EFTUD2: variants seen among roughly 807,000 people sequenced by gnomAD.
The protein encoded by EFTUD2 is elongation factor Tu GTP binding domain containing 2.
Under a neutral mutation model 114.3 loss-of-function variants are expected in EFTUD2, and 9 were observed. The ratio of observed to expected loss-of-function variants is 0.08; its 90% confidence interval spans 0.05 to 0.14. EFTUD2 has a LOEUF of 0.14. EFTUD2 is among the 10% of genes least tolerant of loss of function. The probability of loss-of-function intolerance (pLI) is 1.00; values close to 1 mark genes in which losing one functional copy is unlikely to be tolerated. For synonymous variants in EFTUD2, 449 were observed against 462.3 expected (o/e 0.97, Z 0.37); for missense variants, 765 against 1,241.2 (o/e 0.62, Z 5.76).
chr17:44,856,998 G>C (rs953652456), intron 20 of EFTUD2, 77 bp downstream of exon 20: 24 of 1,215,474 alleles, frequency 2.0e-5, no homozygotes, highest in African/African-American at 1.5e-5. Context: ...TGCTCATGGT[G>C]GGGGTAGAGG....
rs765219533 is a variant in EFTUD2, at chr17:44,878,267, C to T, written c.702+1289G>A. On this transcript the variant is annotated intron_variant, in intron 9 of 27. Coordinates refer to ENST00000426333, the MANE Select transcript of EFTUD2 (RefSeq NM_004247.4). ...AAAGTTTGATAAGGAGAAGAATAAC[C>T]AGATTCTAATAACCAGAGCTTAATC... 7.2e-5 allele frequency among the ~76,000 whole-genome samples: 11 copies of T among 152,250 alleles called. 1 individual carries two copies. Among genetic ancestry groups the T allele is most frequent in the Admixed American group, 6.5e-4 (10 of 15,294 alleles).
rs75810445 is a variant in EFTUD2, at chr17:44,863,410, C to T, written c.1413+245G>A. The T allele has an allele frequency of 0.06, 24,597 of 411,236 alleles. 887 individuals are homozygous for T. The highest frequency in any genetic ancestry group is 0.077 in the Non-Finnish European group (17,670 of 228,960). 25.5% of individuals were successfully genotyped at this position (411,236 alleles called of 1,614,324 possible). On this transcript the variant is annotated intron_variant, in intron 15 of 27. Transcript: ENST00000426333. ...AATCTTATTTAAATCTCATAACAAC[C>T]GCTCACATTTTATTATGCTCGTGTT...
At chr17:44,866,706 G>A (rs1371660743) in intron 13 of EFTUD2, among the ~76,000 whole-genome samples, 2 of 152,096 alleles carry the variant, frequency 1.3e-5, no homozygotes, top group East Asian at 1.9e-4. Flanking sequence ...GTTGCAAAGC[G>A]GTTCATTTTA....
At chr17:44,896,372 G>A (rs1167937376) in intron 1 of EFTUD2, among the ~76,000 whole-genome samples, 1 of 152,212 alleles carries the variant, frequency 6.6e-6, no homozygotes, top group Non-Finnish European at 1.5e-5. Flanking sequence ...AACTGGCTGG[G>A]CACAGTGGCT....
In EFTUD2 at chr17:44,862,599, C is replaced by T. The variant is rs76597601; in HGVS notation, c.1607+114G>A. 2,043 of 1,007,318 alleles carry T rather than the reference C, an allele frequency of 2.0e-3. 26 individuals are homozygous for T. The African/African-American group carries it at 0.03, about 15-fold the overall frequency. 62.4% of individuals were successfully genotyped at this position (1,007,318 alleles called of 1,614,324 possible). A position where few individuals can be genotyped will look rare whatever the true frequency, so the allele number is the denominator to read the frequency against. On this transcript the variant is annotated intron_variant, in intron 16 of 27. Transcript: ENST00000426333. ...CTGCGGAGGGAGAGCCACTTTATCCCCTCTTGCACAGAGCCTTGCAACTAC... is the reference window on the plus strand; with the variant it reads ...CTGCGGAGGGAGAGCCACTTTATCCTCTCTTGCACAGAGCCTTGCAACTAC...
intron 19 of EFTUD2, 184 bp from the exon 20 acceptor site, chr17:44,857,341 C>T: frequency 1.9e-6 from 1 of 528,746 alleles, no homozygotes; most frequent in Non-Finnish European, 3.4e-6. Context: ...ACCAAAAAGC[C>T]CAAGAAAACT....
intron 15 of EFTUD2, 89 bp from the exon 16 acceptor site, chr17:44,862,995 G>A (rs1348682881): frequency 1.8e-6 from 2 of 1,093,358 alleles, no homozygotes; most frequent in African/African-American, 1.6e-5. Flanking sequence ...GCAAGGACAT[G>A]AGCTCTATGA....
At position 44,872,569 on chromosome 17, in the gene EFTUD2, T is replaced by C; in HGVS notation, c.871A>G (p.Met291Val). ...IVDEVNGLIS[M>V]YSTDENLILS... ...ATCAGGTTCTCATCAGTGGAATACA[T>C]GCTGAAACAGAGACAGTGGTGAACA... The change falls in exon 11 of 28, where the codon ATG (methionine) becomes GTG (valine). Residue 291 changes from methionine (M) to valine (V), a missense_variant and splice_region_variant. This residue lies in a region of EFTUD2 where 251 missense variants were observed against 357.7 expected (regional missense o/e 0.70). Transcript: ENST00000426333. 2.5e-6 allele frequency: 4 copies of C among 1,607,764 alleles called. No homozygotes were observed. Among genetic ancestry groups the C allele is most frequent in the Non-Finnish European group, 3.4e-6 (4 of 1,176,462 alleles).
rs764477609 is a variant in EFTUD2, at chr17:44,864,898, A to G, written c.1285+32T>C. On this transcript the variant is annotated intron_variant, in intron 14 of 27. Transcript: ENST00000426333. The stretch of plus-strand genomic sequence containing the variant: ...ATACCTGTGGCAGGGCACGAGGATG[A>G]CAGAGTTAAGGGGCCACGAGCACAT... The G allele has an allele frequency of 7.5e-6, 12 of 1,605,192 alleles. No homozygotes were observed. The Admixed American group carries it at 2.0e-4, about 27-fold the overall frequency.
chr17:44,884,401 C>G (rs2051127324), intron 4 of EFTUD2: 1 of 152,166 alleles, frequency 6.6e-6, no homozygotes, highest in South Asian at 2.1e-4. Flanking sequence ...CGCCTGTAAT[C>G]CCAGCTACTC....
chr17:44,877,886 C>T lies in EFTUD2; in HGVS notation c.702+1670G>A, dbSNP rs530784314. On this transcript the variant is annotated intron_variant, in intron 9 of 27. Coordinates refer to ENST00000426333, the MANE Select transcript of EFTUD2 (RefSeq NM_004247.4). ...GTGGCTCACGCCTGTAATCTCCACA[C>T]TTTGGGAGGCCTAGGTGGGCAGATC... 2.2e-3 allele frequency among the ~76,000 whole-genome samples: 328 copies of T among 151,808 alleles called. 1 individual carries two copies. The highest frequency in any genetic ancestry group is 3.7e-3 in the Non-Finnish European group (250 of 67,968).
intron 18 of EFTUD2, 131 bp downstream of exon 18, chr17:44,859,774 G>T (rs1182942850): frequency 7.0e-7 from 1 of 1,437,366 alleles, no homozygotes; most frequent in Non-Finnish European, 9.5e-7. Context: ...GCCATAGGCT[G>T]GGCTTGCTCC....
At chr17:44,863,814 A>G (rs910982450) in intron 14 of EFTUD2, 32 bp from the exon 15 acceptor site, 7 of 1,610,742 alleles carry the variant, frequency 4.3e-6, no homozygotes, top group Admixed American at 3.3e-5. Context: ...CCATTAATAC[A>G]TGCCTTCCCA....
At chr17:44,888,208 C>T (rs923863379) in intron 2 of EFTUD2, among the ~76,000 whole-genome samples, 1 of 152,120 alleles carries the variant, frequency 6.6e-6, no homozygotes, top group Non-Finnish European at 1.5e-5. Flanking sequence ...CAGGAAGCTG[C>T]GATCACATGG....
chr17:44,857,493 C>T (rs753405900), intron 19 of EFTUD2: 3 of 302,670 alleles, frequency 9.9e-6, no homozygotes, highest in Non-Finnish European at 2.0e-5. Flanking sequence ...ATGGGTCTGA[C>T]AGAGCTGGTG....
intron 6 of EFTUD2, 119 bp downstream of exon 6, chr17:44,882,974 G>T: frequency 1.2e-6 from 1 of 849,540 alleles, no homozygotes. Context: ...CAATTATAAA[G>T]CTGCACTTTG....
chr17:44,856,130 C>CAAAAA (rs1045415785), intron 20 of EFTUD2, among the ~76,000 whole-genome samples: 2 of 37,362 alleles, frequency 5.4e-5, no homozygotes, highest in South Asian at 1.8e-3. Context: ...GACCCTGTCT[C>CAAAAA]AAAAAAAAAA....
At chr17:44,886,365 T>C (rs888062535) in intron 3 of EFTUD2, among the ~76,000 whole-genome samples, 1 of 152,230 alleles carries the variant, frequency 6.6e-6, no homozygotes, top group African/African-American at 2.4e-5. Context: ...CCTAAACTGA[T>C]AGCAGATAAA....
rs192858231 is a variant in EFTUD2, at chr17:44,854,962, C to A, written c.2088G>T (p.Leu696=). 1.8e-5 allele frequency: 29 copies of A among 1,614,214 alleles called. No homozygotes were observed. The East Asian group carries it at 6.0e-4, about 33-fold the overall frequency. ...CCACCTCATTCTCTATGTCCTCTGC[C>A]AGGCCCTTCTCAAGAGGCTCAGCAA... ...TMIAEPLEKG[L]AEDIENEVVQ... is the part of the protein sequence containing the mutation. Residue 696 remains leucine, a synonymous_variant, in exon 21 of 28, where the codon CTG becomes CTT. Transcript: ENST00000426333. This position sits in a 1 kb window ranked among gnomAD's most constrained non-coding sequence, Gnocchi z 4.3.
Sources: gnomAD v4.1 joint callset for allele counts (sites outside exome capture counted in the v4.1 genomes callset) on GRCh38, gnomAD v4.1.1 for gene constraint, gnomAD v4.1.1 regional missense constraint, Gnocchi (gnomAD v3.1) non-coding constraint, MANE v1.5 for transcripts, NCBI Gene and HGNC (gene_info 2026-07-23, HGNC 2026-07-21) for gene names.